The following ROR2 variants were observed in gnomAD, a reference collection of about 807,000 sequenced individuals.
ROR2 encodes the protein tyrosine-protein kinase transmembrane receptor ROR2.
A neutral mutation model predicts 74.9 loss-of-function variants in ROR2; 33 were observed. The ratio of observed to expected loss-of-function variants is 0.44; its 90% confidence interval spans 0.33 to 0.59. ROR2 has a LOEUF of 0.59. Ranked by LOEUF, ROR2 falls within the 20% of genes least tolerant of loss-of-function variation. The probability of loss-of-function intolerance (pLI) is 0.02; values close to 1 mark genes in which losing one functional copy is unlikely to be tolerated. For synonymous variants in ROR2, 586 were observed against 558.7 expected, an observed-to-expected ratio of 1.05 and a Z score of -0.69; for missense variants, 1,216 against 1,313.8, an observed-to-expected ratio of 0.93 and a Z score of 1.15.
intron 4 of ROR2, among the ~76,000 whole-genome samples, chr9:91,742,142 C>T (rs1415938289): frequency 6.6e-6 from 1 of 152,182 alleles, no homozygotes; most frequent in East Asian, 1.9e-4. Context: ...GCACTTCTTA[C>T]ATTGGCAGCG....
At chr9:91,807,521 C>T (rs7849482) in intron 1 of ROR2, among the ~76,000 whole-genome samples, 31,771 of 152,148 alleles carry the variant, frequency 0.21, 6,890 homozygotes, top group African/African-American at 0.53. Context: ...AAAGAGAGAG[C>T]TGTGAAAACC....
intron 1 of ROR2, among the ~76,000 whole-genome samples, chr9:91,948,446 T>C (rs900576250): frequency 6.6e-6 from 1 of 152,216 alleles, no homozygotes; most frequent in Non-Finnish European, 1.5e-5. Context: ...GGTCTACTTA[T>C]TTTATTGTGC....
chr9:91,934,921 A>G (rs1443176744), intron 1 of ROR2, among the ~76,000 whole-genome samples: 1 of 152,236 alleles, frequency 6.6e-6, no homozygotes, highest in African/African-American at 2.4e-5. Flanking sequence ...TAAAATTTCC[A>G]AACTAAAATG....
At chr9:91,820,248 G>C (rs1219303747) in intron 1 of ROR2, among the ~76,000 whole-genome samples, 1 of 152,186 alleles carries the variant, frequency 6.6e-6, no homozygotes, top group Non-Finnish European at 1.5e-5. Context: ...GAAGATGGAC[G>C]TGTTTCTCCT....
At chr9:91,770,138 G>A (rs976269657) in intron 2 of ROR2, among the ~76,000 whole-genome samples, 1 of 152,238 alleles carries the variant, frequency 6.6e-6, no homozygotes, top group Non-Finnish European at 1.5e-5. Flanking sequence ...AGGAATAACA[G>A]AGCAGTCTGC....
At chr9:91,747,674 ATT>A (rs1164779079) in intron 4 of ROR2, among the ~76,000 whole-genome samples, 2 of 145,048 alleles carry the variant, frequency 1.4e-5, no homozygotes, top group African/African-American at 5.2e-5. Flanking sequence ...ACTGTGGATT[ATT>A]GTTTTAAGCT....
Position 91,949,950 on chromosome 9 carries a change from G to A in ROR2, c.14C>T (p.Ser5Leu), listed in dbSNP as rs750498885. 2 of 1,506,592 alleles carry A rather than the reference G, an allele frequency of 1.3e-6. No homozygotes were observed. Among genetic ancestry groups the A allele is most frequent in the South Asian group, 2.5e-5 (2 of 80,566 alleles). The allele number at this position is 1,506,592 out of a possible 1,614,324, so 93.3% of individuals were successfully genotyped here. A position where few individuals can be genotyped will look rare whatever the true frequency, so the allele number is the denominator to read the frequency against. MARGSALPRRPLLCI... is the reference protein window; with the variant it reads MARGLALPRRPLLCI... ...CAGCAGCGGCCGCCGCGGGAGCGCC[G>A]AGCCCCGGGCCATGCCGCAGGCAGT... Residue 5 changes from serine to leucine, a missense_variant, in exon 1 of 9, where the codon TCG (serine) becomes TTG (leucine). By Grantham distance (145) the Ser-to-Leu change is moderately radical. Transcript: ENST00000375708.
Position 91,737,245 on chromosome 9 carries a change from A to C in ROR2, c.622+146T>G, listed in dbSNP as rs1024685161. The C allele has an allele frequency of 7.3e-6, 8 of 1,098,720 alleles. 1 individual carries two copies. The highest frequency in any genetic ancestry group is 1.1e-5 in the Non-Finnish European group (8 of 737,162). 68.1% of individuals were successfully genotyped at this position (1,098,720 alleles called of 1,614,324 possible). A position where few individuals can be genotyped will look rare whatever the true frequency, so the allele number is the denominator to read the frequency against. On this transcript the variant is annotated intron_variant, in intron 5 of 8. Transcript: ENST00000375708. ...GTTAGCAATTGCCACTACTTCTAAAAAAGATCTCTGGTTTCTACCACAAAT... is the reference window on the plus strand; with the variant it reads ...GTTAGCAATTGCCACTACTTCTAAACAAGATCTCTGGTTTCTACCACAAAT...
chr9:91,820,480 C>T (rs1405997745), intron 1 of ROR2, among the ~76,000 whole-genome samples: 1 of 152,190 alleles, frequency 6.6e-6, no homozygotes, highest in South Asian at 2.1e-4. Flanking sequence ...AGAAAATGCA[C>T]AGTGGCTTCA....
chr9:91,774,812 G>A (rs1826363757), intron 2 of ROR2, among the ~76,000 whole-genome samples: 1 of 152,134 alleles, frequency 6.6e-6, no homozygotes. Flanking sequence ...GAGGGGTCTG[G>A]GCATCCTTTT....
chr9:91,780,161 G>T (rs772129163), intron 1 of ROR2, among the ~76,000 whole-genome samples: 1 of 152,172 alleles, frequency 6.6e-6, no homozygotes, highest in Non-Finnish European at 1.5e-5. Context: ...GGAGGCCAAG[G>T]CGGGTGGATC....
At chr9:91,737,271 GA>G in intron 5 of ROR2, 119 bp downstream of exon 5, 1 of 1,285,306 alleles carries the variant, frequency 7.8e-7, no homozygotes, top group East Asian at 2.3e-5. Context: ...TACCACAAAT[GA>G]AATGGAAGAG....
chr9:91,724,581 CG>C lies in ROR2; in HGVS notation c.1912del (p.Arg638GlufsTer67). Reference protein sequence around the residue: ...NVKISDLGLFREVYAADYYKL... With the variant: ...NVKISDLGLFXEVYAADYYKL... Reference sequence around the variant, plus strand: ...GTAGTAATCGGCGGCATACACCTCTCGGAAGAGGCCCAAGTCTGAGATCTTC... The same window carrying C: ...GTAGTAATCGGCGGCATACACCTCTCGAAGAGGCCCAAGTCTGAGATCTTC... On this transcript the variant is annotated frameshift_variant, in exon 9 of 9. Transcript: ENST00000375708. LOFTEE classifies it high-confidence loss of function. 1 of 1,614,114 alleles carries C rather than the reference CG, an allele frequency of 6.2e-7. No homozygotes were observed.
rs1172474692 is a variant in ROR2, at chr9:91,723,814, C to T, written c.2680G>A (p.Ala894Thr). 8.1e-6 allele frequency: 13 copies of T among 1,613,762 alleles called. No individual in the cohort carries two copies. Among genetic ancestry groups the T allele is most frequent in the Admixed American group, 3.3e-5 (2 of 60,004 alleles). Reference sequence around the variant, plus strand: ...TCTGGGGCGTTCTGTGTGTCATCAGCGCCCTCTGAGAGCAGGGCTGCCCTG... The same window carrying T: ...TCTGGGGCGTTCTGTGTGTCATCAGTGCCCTCTGAGAGCAGGGCTGCCCTG... ...ADRAALLSEGADDTQNAPEDG... is the reference protein window; with the variant it reads ...ADRAALLSEGTDDTQNAPEDG... Residue 894 changes from alanine (A) to threonine (T), a missense_variant, in exon 9 of 9, where the codon GCT becomes ACT. Physicochemically the swap from Ala to Thr is moderately conservative, Grantham distance 58. Transcript: ENST00000375708.
At chr9:91,823,444 C>T (rs1162978950) in intron 1 of ROR2, among the ~76,000 whole-genome samples, 3 of 150,642 alleles carry the variant, frequency 2.0e-5, no homozygotes, top group Admixed American at 6.6e-5. Flanking sequence ...ATTCTCCTGC[C>T]TCAGCCTCCC....
intron 1 of ROR2, among the ~76,000 whole-genome samples, chr9:91,915,244 C>T (rs1327470664): frequency 6.6e-6 from 1 of 152,170 alleles, no homozygotes; most frequent in Non-Finnish European, 1.5e-5. Flanking sequence ...CTACCACACG[C>T]GGCTCCCATA....
Position 91,724,738 on chromosome 9 carries a change from C to A in ROR2, c.1756G>T (p.Ala586Ser). 1 of 1,614,124 alleles carries A rather than the reference C, an allele frequency of 6.2e-7. No homozygotes were observed. The highest frequency in any genetic ancestry group is 8.5e-7 in the Non-Finnish European group (1 of 1,180,036). The change falls in exon 9 of 9, where the codon GCC becomes TCC. Residue 586 changes from alanine to serine, a missense_variant. Coordinates refer to ENST00000375708, the MANE Select transcript of ROR2 (RefSeq NM_004560.4). ...TGCACGAAGTCGGGGGGCTCCAGGGCGGACTTCACCGTGCGGTCATCATCG... is the reference window on the plus strand; with the variant it reads ...TGCACGAAGTCGGGGGGCTCCAGGGAGGACTTCACCGTGCGGTCATCATCG... ...STDDDRTVKS[A>S]LEPPDFVHLV...
intron 1 of ROR2, among the ~76,000 whole-genome samples, chr9:91,919,419 A>T (rs1182818861): frequency 6.6e-6 from 1 of 152,218 alleles, no homozygotes; most frequent in African/African-American, 2.4e-5. Flanking sequence ...TCGTGTAATA[A>T]CAACGGTTCA....
At chr9:91,899,270 A>G (rs1203669497) in intron 1 of ROR2, among the ~76,000 whole-genome samples, 1 of 152,228 alleles carries the variant, frequency 6.6e-6, no homozygotes, top group African/African-American at 2.4e-5. Context: ...GAGCCTCTGC[A>G]AAGGGCGACT....
Sources: allele counts gnomAD v4.1 joint callset (sites outside exome capture counted in the v4.1 genomes callset), GRCh38; gene constraint gnomAD v4.1.1; transcripts MANE v1.5; gene names NCBI Gene and HGNC (gene_info 2026-07-23, HGNC 2026-07-21).